Variants in MTAP observed in about 807,000 individuals in gnomAD.
The protein encoded by MTAP is methylthioadenosine phosphorylase.
MTAP carries 33 observed loss-of-function variants against 33.6 expected under a neutral mutation model. The observed-to-expected ratio is 0.98, with a 90% CI of 0.74 to 1.31. The LOEUF is 1.31. Among genes scored for constraint, MTAP ranks in the 40% most tolerant of loss-of-function variants. MTAP has a pLI of 0.00. For missense variants in MTAP, 367 were observed against 360.0 expected (o/e 1.02, Z -0.16); for synonymous variants, 148 against 125.7 (o/e 1.18, Z -1.19).
chr9:21,923,181 G>C (rs565576676), intron 1 of MTAP, among the ~76,000 whole-genome samples: 3 of 152,202 alleles, frequency 2.0e-5, no homozygotes, highest in Non-Finnish European at 2.9e-5. Flanking sequence ...CTCCCTTGCA[G>C]ATGTCCATTG....
At chr9:21,907,572 A>G (rs1818495852) in intron 1 of MTAP, among the ~76,000 whole-genome samples, 1 of 152,200 alleles carries the variant, frequency 6.6e-6, no homozygotes, top group South Asian at 2.1e-4. Flanking sequence ...CAACAACAAA[A>G]AAAATTATTT....
At chr9:21,928,438 C>G (rs1818902184) in intron 1 of MTAP, among the ~76,000 whole-genome samples, 2 of 152,094 alleles carry the variant, frequency 1.3e-5, no homozygotes, top group Non-Finnish European at 2.9e-5. Context: ...ACTCAGCTAC[C>G]CACATGCCAC....
rs75115251 is a variant in MTAP, at chr9:21,829,159, A to C, written c.348-8749A>C. ...CCACTTGCTGATGGCATCAGATACA[A>C]ATAGGCTGTGCCATTTTTAGCCTGG... On this transcript the variant is annotated intron_variant, in intron 4 of 7. Transcript: ENST00000644715. Among the ~76,000 whole-genome samples the C allele has an allele frequency of 6.5e-3, 991 of 152,304 alleles. 23 individuals carry two copies. The highest frequency in any genetic ancestry group is 0.062 in the East Asian group (319 of 5,178).
In MTAP at chr9:21,881,729, A is replaced by C. The variant is rs533064794; in HGVS notation, c.147+26859A>C. Among the ~76,000 whole-genome samples the C allele has an allele frequency of 9.7e-4, 148 of 152,110 alleles. 1 individual carries two copies. The highest frequency in any genetic ancestry group is 3.5e-3 in the African/African-American group (146 of 41,556). On this transcript the variant is annotated intron_variant, in intron 1 of 1. Coordinates refer to the MTAP transcript ENST00000577563. Reference sequence around the variant, plus strand: ...TGGCTACTATCAAAAAAAACAGAAAATGTTGCCATAGATGTGGAAAAATTG... The same window carrying C: ...TGGCTACTATCAAAAAAAACAGAAACTGTTGCCATAGATGTGGAAAAATTG...
At chr9:21,811,698 C>A in intron 1 of MTAP, 1 of 531,866 alleles carries the variant, frequency 1.9e-6, no homozygotes, top group Non-Finnish European at 3.8e-6. Context: ...TACTCAGACA[C>A]CAGGTCGTTC....
In MTAP at chr9:21,864,919, T is replaced by C; in HGVS notation, c.*2905T>C. On this transcript the variant is annotated 3_prime_UTR_variant, in exon 8 of 8. Coordinates refer to ENST00000644715, the MANE Select transcript of MTAP (RefSeq NM_002451.4). ...TATTTTCCAAATAATTATTCATTCTTGTGACAGTGGCCTGAACATGTTTTT... is the reference window on the plus strand; with the variant it reads ...TATTTTCCAAATAATTATTCATTCTCGTGACAGTGGCCTGAACATGTTTTT... The C allele has an allele frequency of 1.0e-6, 1 of 985,512 alleles. No homozygotes were observed. The highest frequency in any genetic ancestry group is 4.7e-5 in the South Asian group (1 of 21,290). The allele number at this position is 985,512 out of a possible 1,614,324, so 61.0% of individuals were successfully genotyped here. A position where few individuals can be genotyped will look rare whatever the true frequency, so the allele number is the denominator to read the frequency against.
chr9:21,859,251 C>A (rs1171632946), intron 6 of MTAP, 52 bp from the exon 7 acceptor site: 2 of 1,560,706 alleles, frequency 1.3e-6, no homozygotes, highest in Non-Finnish European at 1.7e-6. Flanking sequence ...TGTTTTATGA[C>A]AAGCAGTGGA....
intron 1 of MTAP, among the ~76,000 whole-genome samples, chr9:21,810,751 G>A (rs967060801): frequency 7.9e-5 from 12 of 152,204 alleles, no homozygotes; most frequent in African/African-American, 2.4e-4. Flanking sequence ...CTGAGGTACT[G>A]AGAGTTGGAA....
At chr9:21,858,306 A>G (rs952981322) in intron 6 of MTAP, among the ~76,000 whole-genome samples, 10 of 152,222 alleles carry the variant, frequency 6.6e-5, no homozygotes, top group African/African-American at 2.4e-4. Flanking sequence ...CTCCGATACC[A>G]TATTGAAATC....
chr9:21,815,652 A>AG, intron 2 of MTAP, 133 bp downstream of exon 2: 4 of 678,074 alleles, frequency 5.9e-6, no homozygotes, highest in Non-Finnish European at 1.0e-5. Context: ...CCCAGCAGAG[A>AG]GGGCCAGAAG....
chr9:21,913,529 A>T (rs1374736435), intron 1 of MTAP, among the ~76,000 whole-genome samples: 2 of 152,248 alleles, frequency 1.3e-5, no homozygotes, highest in Admixed American at 1.3e-4. Flanking sequence ...GAAATGGGAA[A>T]GGATTCCCTA....
chr9:21,809,036 C>A (rs1003174065), intron 1 of MTAP: 1 of 152,114 alleles, frequency 6.6e-6, no homozygotes, highest in South Asian at 2.1e-4. Context: ...ATGGGGAAAA[C>A]CTATTTCCTT....
chr9:21,926,720 G>T (rs79996073), intron 1 of MTAP, among the ~76,000 whole-genome samples: 197 of 152,274 alleles, frequency 1.3e-3, no homozygotes, highest in African/African-American at 4.6e-3. Context: ...CAGATGACCT[G>T]TTAATCTGCT....
At chr9:21,819,937 T>G (rs1288285832) in intron 4 of MTAP, among the ~76,000 whole-genome samples, 1 of 152,256 alleles carries the variant, frequency 6.6e-6, no homozygotes, top group Non-Finnish European at 1.5e-5. Context: ...CATAAATGTC[T>G]TCTATTGAGA....
At chr9:21,915,342 C>T (rs1818670762) in intron 1 of MTAP, among the ~76,000 whole-genome samples, 1 of 151,932 alleles carries the variant, frequency 6.6e-6, no homozygotes, top group African/African-American at 2.4e-5. Context: ...CCACCCACCT[C>T]GGCCTCCCAA....
intron 1 of MTAP, among the ~76,000 whole-genome samples, chr9:21,813,506 G>T (rs1377075881): frequency 6.6e-6 from 1 of 152,154 alleles, no homozygotes; most frequent in South Asian, 2.1e-4. Context: ...CGGGACACCT[G>T]GTTAGCATTT....
downstream of MTAP, among the ~76,000 whole-genome samples, chr9:21,870,403 G>GC (rs1392319122): frequency 3.3e-5 from 5 of 152,190 alleles, no homozygotes; most frequent in African/African-American, 4.8e-5. Context: ...CCAGACTAGT[G>GC]CTTGGGATTT....
intron 1 of MTAP, among the ~76,000 whole-genome samples, chr9:21,890,142 G>A (rs991124830): frequency 6.6e-6 from 1 of 151,976 alleles, no homozygotes; most frequent in African/African-American, 2.4e-5. Context: ...GATGGGGTAT[G>A]GTTCTTAAGC....
chr9:21,864,852 C>G lies in MTAP; in HGVS notation c.*2838C>G, dbSNP rs1825825746. ...ACAGGATGCTCCTGGAGCCTCTTCT[C>G]TGGCTGCTACCTCAGGGCATGGTTG... On this transcript the variant is annotated 3_prime_UTR_variant, in exon 8 of 8. Transcript: ENST00000644715. The G allele has an allele frequency of 1.0e-6, 1 of 985,382 alleles. No individual in the cohort carries two copies. Among genetic ancestry groups the G allele is most frequent in the South Asian group, 4.7e-5 (1 of 21,298 alleles). The allele number at this position is 985,382 out of a possible 1,614,324, so 61.0% of individuals were successfully genotyped here. A position where few individuals can be genotyped will look rare whatever the true frequency, so the allele number is the denominator to read the frequency against.
Sources: gnomAD v4.1 joint callset for allele counts (sites outside exome capture counted in the v4.1 genomes callset) on GRCh38, gnomAD v4.1.1 for gene constraint, MANE v1.5 for transcripts, NCBI Gene and HGNC (gene_info 2026-07-23, HGNC 2026-07-21) for gene names.